Variants in SLC7A14 observed in about 807,000 individuals in gnomAD.
SLC7A14 encodes gamma-aminobutyric acid transporter SLC7A14.
SLC7A14 carries 37 observed loss-of-function variants against 60.2 expected under a neutral mutation model. The observed-to-expected ratio is 0.61, with a 90% CI of 0.47 to 0.81. SLC7A14 has a LOEUF of 0.81. Ranked by LOEUF, SLC7A14 falls within the 30% of genes least tolerant of loss-of-function variation. SLC7A14 has a pLI of 0.00. For synonymous variants in SLC7A14, 399 were observed against 395.8 expected, an observed-to-expected ratio of 1.01 and a Z score of -0.10; for missense variants, 886 against 982.7, an observed-to-expected ratio of 0.90 and a Z score of 1.32.
chr3:170,497,087 CA>C (rs548290941), intron 4 of SLC7A14, among the ~76,000 whole-genome samples: 1,596 of 94,260 alleles, frequency 0.017, 9 homozygotes, highest in African/African-American at 0.028. Flanking sequence ...TTATTTTGTC[CA>C]AAAAAAAAAA....
At chr3:170,544,263 A>G (rs1714105622) in intron 1 of SLC7A14, among the ~76,000 whole-genome samples, 1 of 152,010 alleles carries the variant, frequency 6.6e-6, no homozygotes, top group African/African-American at 2.4e-5. Context: ...GGGACACATT[A>G]CAGGACTGAA....
At chr3:170,584,385 C>T (rs570107054) in intron 1 of SLC7A14, among the ~76,000 whole-genome samples, 274 of 152,298 alleles carry the variant, frequency 1.8e-3, no homozygotes, top group African/African-American at 6.3e-3. Flanking sequence ...TGTTTATTAT[C>T]AAAACAGCAT....
At chr3:170,506,395 T>C (rs73882025) in intron 2 of SLC7A14, among the ~76,000 whole-genome samples, 3,326 of 152,300 alleles carry the variant, frequency 0.022, 130 homozygotes, top group African/African-American at 0.075. Context: ...TTTGCCAGCC[T>C]AAAAATCAGT....
intron 2 of SLC7A14, among the ~76,000 whole-genome samples, chr3:170,515,319 C>A (rs1028280505): frequency 4.0e-4 from 38 of 96,056 alleles, no homozygotes; most frequent in Admixed American, 7.0e-4. Context: ...TCCGCCCCCC[C>A]CAAAAAAAAA....
At chr3:170,537,595 G>A (rs950255303) in intron 1 of SLC7A14, among the ~76,000 whole-genome samples, 13 of 152,052 alleles carry the variant, frequency 8.5e-5, no homozygotes, top group Admixed American at 7.9e-4. Flanking sequence ...GAAAACACTC[G>A]GCTGAGCATT....
At position 170,460,972 on chromosome 3, in the gene SLC7A14, T is replaced by C. The variant is rs1009537212; in HGVS notation, c.*6083A>G. 72 of 152,320 alleles carry C rather than the reference T, an allele frequency of 4.7e-4. No individual in the cohort carries two copies. Among genetic ancestry groups the C allele is most frequent in the African/African-American group, 1.6e-3 (68 of 41,452 alleles). 9.4% of individuals were successfully genotyped at this position (152,320 alleles called of 1,614,324 possible). A position where few individuals can be genotyped will look rare whatever the true frequency, so the allele number is the denominator to read the frequency against. ...TCTTATTGCCCAGGCTGGAGTGCAA[T>C]GGTGTGATCTCGACTCACTGCAACC... On this transcript the variant is annotated 3_prime_UTR_variant, in exon 8 of 8. Transcript: ENST00000231706.
intron 1 of SLC7A14, among the ~76,000 whole-genome samples, chr3:170,558,877 G>T (rs1175030084): frequency 6.6e-6 from 1 of 152,168 alleles, no homozygotes; most frequent in East Asian, 1.9e-4. Flanking sequence ...AGCAGAAGAG[G>T]TGGTCATTCC....
chr3:170,551,802 T>C (rs1714360989), intron 1 of SLC7A14, among the ~76,000 whole-genome samples: 1 of 152,230 alleles, frequency 6.6e-6, no homozygotes, highest in Non-Finnish European at 1.5e-5. Flanking sequence ...TTCTCAGATA[T>C]ATGTGTTGCA....
chr3:170,542,438 A>G (rs1173349131), intron 1 of SLC7A14, among the ~76,000 whole-genome samples: 1 of 152,186 alleles, frequency 6.6e-6, no homozygotes, highest in Non-Finnish European at 1.5e-5. Context: ...TCTCTCCTGG[A>G]CTGTGTCTGC....
chr3:170,533,261 C>T (rs1044334321), intron 1 of SLC7A14, among the ~76,000 whole-genome samples: 15 of 152,176 alleles, frequency 9.9e-5, no homozygotes, highest in African/African-American at 2.7e-4. Flanking sequence ...CTTTATACTA[C>T]GTGGCCAGGT....
chr3:170,579,560 A>G (rs759902430), intron 1 of SLC7A14, among the ~76,000 whole-genome samples: 1 of 152,252 alleles, frequency 6.6e-6, no homozygotes, highest in Non-Finnish European at 1.5e-5. Context: ...GACTTGCTAG[A>G]ATAGAATGAG....
At chr3:170,501,631 C>G (rs1338995190) in intron 2 of SLC7A14, among the ~76,000 whole-genome samples, 1 of 152,156 alleles carries the variant, frequency 6.6e-6, no homozygotes, top group Non-Finnish European at 1.5e-5. Context: ...CTCTATCATG[C>G]TCCTTAGGTG....
chr3:170,487,604 A>G (rs1712075167), intron 4 of SLC7A14, among the ~76,000 whole-genome samples: 1 of 152,242 alleles, frequency 6.6e-6, no homozygotes, highest in Admixed American at 6.5e-5. Context: ...AATAAGACCA[A>G]ATATGAAATA....
intron 1 of SLC7A14, among the ~76,000 whole-genome samples, chr3:170,537,519 G>C (rs2108298499): frequency 6.6e-6 from 1 of 152,238 alleles, no homozygotes; most frequent in African/African-American, 2.4e-5. Flanking sequence ...TCTTATCTTA[G>C]ACATGTCTCT....
chr3:170,502,931 A>G (rs1413591263), intron 2 of SLC7A14: 1 of 152,206 alleles, frequency 6.6e-6, no homozygotes, highest in Non-Finnish European at 1.5e-5. Context: ...GTATTACACC[A>G]AAGACTCTCT....
At position 170,498,644 on chromosome 3, in the gene SLC7A14, C is replaced by A. The variant is rs553981691; in HGVS notation, c.759+23G>T. On this transcript the variant is annotated intron_variant, in intron 4 of 7. Transcript: ENST00000231706. ...GAAGGCAGAGTGTGTGACAGGCACA[C>A]CAGGTGTTTGGAACAAACTTACCCC... 1.6e-4 allele frequency: 261 copies of A among 1,611,360 alleles called. 3 individuals are homozygous for A. The South Asian group carries it at 2.6e-3, about 16-fold the overall frequency.
intron 1 of SLC7A14, among the ~76,000 whole-genome samples, chr3:170,538,771 A>G (rs1713925640): frequency 6.6e-6 from 1 of 152,246 alleles, no homozygotes. Flanking sequence ...CAAGATGGAC[A>G]AGAAGTGAGT....
intron 1 of SLC7A14, among the ~76,000 whole-genome samples, chr3:170,571,034 CA>C (rs1714940845): frequency 6.6e-6 from 1 of 152,166 alleles, no homozygotes; most frequent in South Asian, 2.1e-4. Context: ...TCTCACTCAA[CA>C]TTTCCTTAAT....
chr3:170,479,142 AAC>A (rs1473477987), intron 7 of SLC7A14, among the ~76,000 whole-genome samples: 3 of 131,672 alleles, frequency 2.3e-5, no homozygotes, highest in African/African-American at 7.8e-5. Flanking sequence ...AACAAAACAA[AAC>A]AAACAAATAA....
Sources: gnomAD v4.1 joint callset for allele counts (sites outside exome capture counted in the v4.1 genomes callset) on GRCh38, gnomAD v4.1.1 for gene constraint, MANE v1.5 for transcripts, NCBI Gene and HGNC (gene_info 2026-07-23, HGNC 2026-07-21) for gene names.